TECRL: variants seen among roughly 807,000 people sequenced by gnomAD.
TECRL encodes trans-2,3-enoyl-CoA reductase like.
A neutral mutation model predicts 52.8 loss-of-function variants in TECRL; 63 were observed. That is an observed-to-expected ratio of 1.19 (90% CI 0.97 to 1.47). TECRL has a LOEUF of 1.47. Ranked by LOEUF, TECRL falls within the 40% of genes most tolerant of loss-of-function variation. TECRL has a pLI of 0.00. For synonymous variants in TECRL, 164 were observed against 141.9 expected (o/e 1.16, Z -1.10); for missense variants, 482 against 429.6 (o/e 1.12, Z -1.08).
chr4:64,362,773 A>T (rs934039238), intron 2 of TECRL, among the ~76,000 whole-genome samples: 1 of 152,132 alleles, frequency 6.6e-6, no homozygotes, highest in Non-Finnish European at 1.5e-5. Context: ...CATTGACTCT[A>T]AAAACAAGTG....
At position 64,301,841 on chromosome 4, in the gene TECRL, T is replaced by C. The variant is rs979709384; in HGVS notation, c.731-1824A>G. 5.3e-5 allele frequency among the ~76,000 whole-genome samples: 8 copies of C among 151,072 alleles called. 1 individual carries two copies. Among genetic ancestry groups the C allele is most frequent in the African/African-American group, 1.7e-4 (7 of 41,346 alleles). On this transcript the variant is annotated intron_variant, in intron 7 of 11. Transcript: ENST00000381210. ...TGATGTGATAAAAACAAGTATCGAG[T>C]GAAGAGTCTAATATTTTTCATATTT...
chr4:64,375,642 G>A (rs935784937), intron 1 of TECRL, among the ~76,000 whole-genome samples: 2 of 151,696 alleles, frequency 1.3e-5, no homozygotes, highest in East Asian at 1.9e-4. Flanking sequence ...TGAGAGAAAT[G>A]TTTACCTCAG....
intron 4 of TECRL, among the ~76,000 whole-genome samples, chr4:64,317,888 G>A (rs1248915331): frequency 6.6e-6 from 1 of 152,100 alleles, no homozygotes; most frequent in Non-Finnish European, 1.5e-5. Context: ...CCTCATATGA[G>A]CCTGATAAGA....
At chr4:64,401,653 C>A (rs1241772259) in intron 1 of TECRL, among the ~76,000 whole-genome samples, 1 of 152,154 alleles carries the variant, frequency 6.6e-6, no homozygotes, top group East Asian at 1.9e-4. Flanking sequence ...AAATACATTT[C>A]ATTATAAGCT....
intron 2 of TECRL, among the ~76,000 whole-genome samples, chr4:64,373,330 A>C (rs183605739): frequency 7.8e-4 from 119 of 151,894 alleles, no homozygotes; most frequent in East Asian, 1.7e-3. Flanking sequence ...AATAGCTATC[A>C]ATAATTCTTG....
At chr4:64,297,691 A>T (rs1723767081) in intron 8 of TECRL, among the ~76,000 whole-genome samples, 1 of 151,168 alleles carries the variant, frequency 6.6e-6, no homozygotes, top group Non-Finnish European at 1.5e-5. Flanking sequence ...ACATACATAC[A>T]TATATATTCA....
chr4:64,374,472 A>T (rs1178598906), intron 2 of TECRL, among the ~76,000 whole-genome samples: 1 of 151,956 alleles, frequency 6.6e-6, no homozygotes, highest in Admixed American at 6.6e-5. Context: ...CAGGTTTGTT[A>T]CATATGTATA....
intron 2 of TECRL, among the ~76,000 whole-genome samples, chr4:64,370,543 T>C (rs1010024827): frequency 1.3e-4 from 20 of 151,814 alleles, no homozygotes; most frequent in African/African-American, 4.8e-4. Flanking sequence ...TAAATGCAAA[T>C]AATTTTTATC....
chr4:64,287,772 C>T (rs567711562), intron 9 of TECRL, among the ~76,000 whole-genome samples: 1 of 152,204 alleles, frequency 6.6e-6, no homozygotes, highest in East Asian at 1.9e-4. Flanking sequence ...TTATTACTTG[C>T]TGGTATTTTA....
chr4:64,321,957 A>T (rs1717930735), intron 4 of TECRL, among the ~76,000 whole-genome samples: 1 of 152,190 alleles, frequency 6.6e-6, no homozygotes, highest in Non-Finnish European at 1.5e-5. Context: ...TAGAAGGAAA[A>T]GGTAAAGAGA....
intron 2 of TECRL, among the ~76,000 whole-genome samples, chr4:64,349,373 T>C (rs4860152): frequency 0.67 from 102,062 of 151,836 alleles, 35,436 homozygotes; most frequent in Non-Finnish European, 0.76. Context: ...CTTCGTGATC[T>C]ACCCACCGCG....
chr4:64,404,407 A>G (rs1724576070), intron 1 of TECRL, among the ~76,000 whole-genome samples: 1 of 152,052 alleles, frequency 6.6e-6, no homozygotes, highest in South Asian at 2.1e-4. Flanking sequence ...ATTTTACAAG[A>G]AAGAAATGAG....
intron 7 of TECRL, among the ~76,000 whole-genome samples, chr4:64,300,500 T>TA (rs554320422): frequency 1.9e-3 from 278 of 148,972 alleles, no homozygotes; most frequent in East Asian, 0.015. Context: ...GACCTTAAAA[T>TA]AAAAAAAAAT....
chr4:64,344,076 G>A (rs536823487), intron 2 of TECRL, among the ~76,000 whole-genome samples: 5 of 151,900 alleles, frequency 3.3e-5, no homozygotes, highest in African/African-American at 1.2e-4. Flanking sequence ...AACCAGCTAG[G>A]TTACCATTTG....
intron 1 of TECRL, among the ~76,000 whole-genome samples, chr4:64,380,172 AT>A (rs1204919392): frequency 6.6e-6 from 1 of 152,036 alleles, no homozygotes; most frequent in African/African-American, 2.4e-5. Flanking sequence ...TTTGTTATAT[AT>A]CTGTTGGCCA....
chr4:64,397,362 A>G (rs1340932452), intron 1 of TECRL, among the ~76,000 whole-genome samples: 1 of 152,042 alleles, frequency 6.6e-6, no homozygotes, highest in Non-Finnish European at 1.5e-5. Flanking sequence ...GAAAGGAACT[A>G]CAGTACATTT....
At chr4:64,315,723 A>G (rs1717451701) in intron 4 of TECRL, among the ~76,000 whole-genome samples, 1 of 152,110 alleles carries the variant, frequency 6.6e-6, no homozygotes, top group Admixed American at 6.5e-5. Context: ...AGAATGAATA[A>G]TACATATGCA....
At chr4:64,349,555 G>A (rs1720235241) in intron 2 of TECRL, among the ~76,000 whole-genome samples, 1 of 152,172 alleles carries the variant, frequency 6.6e-6, no homozygotes. Flanking sequence ...TCCTGAAGAT[G>A]AACCTAGATT....
chr4:64,405,170 A>G (rs572218702), intron 1 of TECRL, among the ~76,000 whole-genome samples: 1 of 152,266 alleles, frequency 6.6e-6, no homozygotes, highest in South Asian at 2.1e-4. Flanking sequence ...TTGCTCTCTT[A>G]GTAGTCAGGA....
Sources: allele counts gnomAD v4.1 joint callset (sites outside exome capture counted in the v4.1 genomes callset), GRCh38; gene constraint gnomAD v4.1.1; transcripts MANE v1.5; gene names NCBI Gene and HGNC (gene_info 2026-07-23, HGNC 2026-07-21).